The following MEGF6 variants were observed in gnomAD, a reference collection of about 807,000 sequenced individuals.
The protein encoded by MEGF6 is multiple EGF like domains 6, also known as multiple epidermal growth factor-like domains protein 6.
MEGF6 carries 184 observed loss-of-function variants against 207.1 expected under a neutral mutation model. That is an observed-to-expected ratio of 0.89 (90% confidence interval 0.79 to 1.00). The LOEUF (loss-of-function observed/expected upper bound fraction) is 1.00. MEGF6 is among the 50% of genes least tolerant of loss of function. The probability of loss-of-function intolerance (pLI) is 0.00; values close to 1 mark genes in which losing one functional copy is unlikely to be tolerated. For synonymous variants in MEGF6, 1,038 were observed against 910.0 expected (o/e 1.14, Z -2.53); for missense variants, 2,282 against 2,202.9 (o/e 1.04, Z -0.72).
the MEGF6 span, among the ~76,000 whole-genome samples, chr1:3,621,571 T>C: frequency 1.3e-5 from 2 of 152,386 alleles, no homozygotes; most frequent in East Asian, 3.9e-4. Context: ...TGTTATTTTA[T>C]ATATCTTATT....
chr1:3,553,161 G>GC (rs1228039010), intron 4 of MEGF6, among the ~76,000 whole-genome samples: 4 of 138,052 alleles, frequency 2.9e-5, no homozygotes, highest in African/African-American at 8.3e-5. Context: ...CACAAGCCCC[G>GC]CCCCCCACTG....
chr1:3,570,554 G>A (rs563400201), intron 4 of MEGF6, among the ~76,000 whole-genome samples: 1 of 152,362 alleles, frequency 6.6e-6, no homozygotes, highest in South Asian at 2.1e-4. Flanking sequence ...AGTCAAGGAG[G>A]CATCTTCCGG....
intron 4 of MEGF6, among the ~76,000 whole-genome samples, chr1:3,559,522 TAAAAAAAAAAAAAAAA>T (rs59799522): frequency 9.5e-6 from 1 of 105,530 alleles, no homozygotes; most frequent in Admixed American, 1.1e-4. Context: ...CCTTGTCTCT[TAAAAAAAAAAAAAAAA>T]AAAAAAAAAG....
the MEGF6 span, among the ~76,000 whole-genome samples, chr1:3,617,608 C>A: frequency 6.6e-6 from 1 of 152,152 alleles, no homozygotes; most frequent in Non-Finnish European, 1.5e-5. Flanking sequence ...CCTGCACATC[C>A]TGCACATGGA....
chr1:3,550,929 G>A (rs574638131), intron 4 of MEGF6, among the ~76,000 whole-genome samples: 3 of 152,266 alleles, frequency 2.0e-5, no homozygotes, highest in African/African-American at 7.2e-5. Flanking sequence ...CAGATCAGCC[G>A]CCAGGTGTGG....
chr1:3,566,046 G>A (rs1281275307), intron 4 of MEGF6, among the ~76,000 whole-genome samples: 1 of 152,194 alleles, frequency 6.6e-6, no homozygotes, highest in African/African-American at 2.4e-5. Context: ...AGAAGACATT[G>A]ACCCCTGAGG....
intron 4 of MEGF6, among the ~76,000 whole-genome samples, chr1:3,529,084 G>A (rs373011983): frequency 7.9e-5 from 12 of 152,148 alleles, no homozygotes; most frequent in African/African-American, 2.4e-4. Context: ...CCAGGTTCAC[G>A]GGAGCCGCGT....
rs915919241 is a variant in MEGF6 at position 3,565,666 on chromosome 1, G to T, written c.481+14159C>A. 7.9e-5 allele frequency among the ~76,000 whole-genome samples: 12 copies of T among 151,918 alleles called. No homozygotes were observed. The highest frequency in any genetic ancestry group is 2.9e-4 in the African/African-American group (12 of 41,208). On this transcript the variant is annotated intron_variant, in intron 4 of 36. Transcript: ENST00000356575. The surrounding 1 kb of genome is among the most constrained non-coding windows in gnomAD (Gnocchi z 4.8). ...ATTGCCCAGTTAAACAGAGTGGCAT[G>T]GGGCTGTCCAGGATTCCCTGTCCCA...
intron 4 of MEGF6, chr1:3,531,189 C>A (rs1020664636): frequency 6.6e-7 from 1 of 1,519,356 alleles, no homozygotes; most frequent in Non-Finnish European, 8.8e-7. Context: ...GCGCCAGGCC[C>A]CCCAGGAGCC....
At chr1:3,493,237 T>C (rs1640449158) in intron 34 of MEGF6, 1 of 215,722 alleles carries the variant, frequency 4.6e-6, no homozygotes, top group Non-Finnish European at 9.3e-6. Flanking sequence ...GTCCCTCCTA[T>C]CCTCAGGTGA....
intron 30 of MEGF6, among the ~76,000 whole-genome samples, chr1:3,495,382 T>A (rs1389907949): frequency 6.6e-6 from 1 of 152,156 alleles, no homozygotes; most frequent in Admixed American, 6.5e-5. Flanking sequence ...GTGGCTGTGT[T>A]CATGAGCACT....
At chr1:3,511,859 C>T in intron 8 of MEGF6, 147 bp downstream of exon 8, 8 of 1,447,398 alleles carry the variant, frequency 5.5e-6, no homozygotes, top group Admixed American at 2.1e-5. Context: ...TGCTCTCCCT[C>T]GACCCTCTGC....
intron 2 of MEGF6, 34 bp from the exon 3 acceptor site, chr1:3,595,481 T>A: frequency 6.4e-7 from 1 of 1,567,860 alleles, no homozygotes; most frequent in Non-Finnish European, 8.8e-7. Flanking sequence ...GTGCTTACCG[T>A]CGCGGGACTG....
chr1:3,533,714 T>A (rs559283040), intron 4 of MEGF6, among the ~76,000 whole-genome samples: 1 of 152,250 alleles, frequency 6.6e-6, no homozygotes, highest in South Asian at 2.1e-4. Flanking sequence ...CCTCTCCGCC[T>A]GCTACAGGAT....
At chr1:3,500,816 C>T (rs760033238) in intron 20 of MEGF6, 52 bp from the exon 21 acceptor site, 1 of 1,595,076 alleles carries the variant, frequency 6.3e-7, no homozygotes, top group East Asian at 2.2e-5. Context: ...GGGCCACGGG[C>T]ACCACAGCCG....
At chr1:3,617,158 C>A in the MEGF6 span, among the ~76,000 whole-genome samples, 2,223 of 149,956 alleles carry the variant, frequency 0.015, 51 homozygotes, top group African/African-American at 0.052. Context: ...CCACCCCCGG[C>A]TCCTGCCATC....
At chr1:3,548,161 C>T (rs1642775380) in intron 4 of MEGF6, among the ~76,000 whole-genome samples, 1 of 152,226 alleles carries the variant, frequency 6.6e-6, no homozygotes, top group South Asian at 2.1e-4. Context: ...CAGACGCCAG[C>T]CCAGCCCACA....
At chr1:3,511,007 C>T in intron 9 of MEGF6, 105 bp from the exon 10 acceptor site, 1 of 1,466,030 alleles carries the variant, frequency 6.8e-7, no homozygotes, top group Non-Finnish European at 9.1e-7. Flanking sequence ...ACGCGCCCGA[C>T]TGCACCTGCA....
In MEGF6 at chr1:3,499,937, G is replaced by T. The variant is rs968529351; in HGVS notation, c.2708-13C>A. 2.1e-5 allele frequency: 32 copies of T among 1,550,980 alleles called. No individual in the cohort carries two copies. The highest frequency in any genetic ancestry group is 2.6e-5 in the Non-Finnish European group (30 of 1,148,504). On this transcript the variant is annotated splice_polypyrimidine_tract_variant and intron_variant, in intron 21 of 36. Transcript: ENST00000356575. ...CCCTGGGGACACTCTGAGATATGCA[G>T]CCCCGGCCCACAGTCAGCCAGAGGG...
Sources: allele counts gnomAD v4.1 joint callset (sites outside exome capture counted in the v4.1 genomes callset), GRCh38; gene constraint gnomAD v4.1.1; non-coding constraint Gnocchi (gnomAD v3.1); transcripts MANE v1.5; gene names NCBI Gene and HGNC (gene_info 2026-07-23, HGNC 2026-07-21).